RUNX1T1: variants seen among roughly 807,000 people sequenced by gnomAD.
RUNX1T1 encodes protein CBFA2T1.
RUNX1T1 carries 4 observed loss-of-function variants against 62.8 expected under a neutral mutation model. The ratio of observed to expected loss-of-function variants is 0.06; its 90% CI spans 0.03 to 0.15. The LOEUF is 0.15. Ranked by LOEUF, RUNX1T1 falls within the 10% of genes least tolerant of loss-of-function variation. The probability of loss-of-function intolerance (pLI) is 1.00; values close to 1 mark genes in which losing one functional copy is unlikely to be tolerated. For synonymous variants in RUNX1T1, 291 were observed against 286.0 expected (o/e 1.02, Z -0.18); for missense variants, 508 against 754.3 (o/e 0.67, Z 3.82).
intron 1 of RUNX1T1, 74 bp from the exon 2 acceptor site, chr8:92,076,211 A>C: frequency 1.7e-6 from 2 of 1,193,464 alleles, no homozygotes; most frequent in Non-Finnish European, 2.2e-6. Flanking sequence ...ATCTGTTTAC[A>C]TGATAACACT....
intron 1 of RUNX1T1, among the ~76,000 whole-genome samples, chr8:92,054,706 T>C (rs917443994): frequency 6.6e-6 from 1 of 151,978 alleles, no homozygotes; most frequent in Non-Finnish European, 1.5e-5. Flanking sequence ...AAAGATAAAA[T>C]ACATTCAGCA....
At chr8:91,955,832 T>A (rs1205586698), downstream of RUNX1T1, 1 of 227,280 alleles carries the variant, frequency 4.4e-6, no homozygotes, top group Admixed American at 5.7e-5. Flanking sequence ...ATTCACAGGG[T>A]AGGGGAGAAG....
At chr8:91,986,263 C>T (rs1201893486) in exon 8 of RUNX1T1, 1 of 1,614,040 alleles carries the variant, frequency 6.2e-7, no homozygotes, top group Non-Finnish European at 8.5e-7. Context: ...CTTCTTGACA[C>T]CGCCTTAGTA....
At chr8:91,990,003 G>T (rs1338411196) in intron 6 of RUNX1T1, among the ~76,000 whole-genome samples, 1 of 152,078 alleles carries the variant, frequency 6.6e-6, no homozygotes, top group East Asian at 1.9e-4. Flanking sequence ...TACAACCAAA[G>T]CCTCAATCAC....
At chr8:92,027,326 A>G (rs1417800453) in intron 1 of RUNX1T1, among the ~76,000 whole-genome samples, 1 of 152,184 alleles carries the variant, frequency 6.6e-6, no homozygotes, top group Admixed American at 6.5e-5. Context: ...TTCTGTCATC[A>G]GAAAAGGACA....
chr8:92,017,187 T>C (rs767218709), intron 2 of RUNX1T1, 39 bp downstream of exon 3: 1 of 1,407,050 alleles, frequency 7.1e-7, no homozygotes, highest in East Asian at 2.3e-5. Context: ...TAATTTAAAC[T>C]TTAAAACTGA....
chr8:92,034,569 T>G (rs1826891457), intron 1 of RUNX1T1, among the ~76,000 whole-genome samples: 1 of 151,944 alleles, frequency 6.6e-6, no homozygotes, highest in Admixed American at 6.6e-5. Context: ...ATCAAAAAGA[T>G]ACCTGCACTC....
chr8:92,037,815 C>G (rs1157464731), intron 1 of RUNX1T1, among the ~76,000 whole-genome samples: 13 of 152,138 alleles, frequency 8.5e-5, no homozygotes. Context: ...ACAAACAGCT[C>G]CAGGCAGTTA....
chr8:92,095,646 G>A, intron 1 of RUNX1T1: 2 of 1,248,590 alleles, frequency 1.6e-6, no homozygotes, highest in Non-Finnish European at 2.1e-6. Context: ...AAAGGGACAG[G>A]CAGGAGGGAA....
intron 8 of RUNX1T1, among the ~76,000 whole-genome samples, chr8:91,981,493 C>A (rs151200487): frequency 0.014 from 2,013 of 142,524 alleles, 50 homozygotes; most frequent in African/African-American, 0.049. Context: ...TGGCTCACTG[C>A]AACCTCCTCC....
intron 5 of RUNX1T1, among the ~76,000 whole-genome samples, chr8:92,002,560 AAT>A (rs1249732944): frequency 4.6e-5 from 7 of 152,160 alleles, no homozygotes; most frequent in Non-Finnish European, 1.5e-5. Context: ...TTGTAAACAA[AAT>A]ATAGAGCGCT....
At chr8:92,012,490 T>C (rs1365795156) in intron 3 of RUNX1T1, among the ~76,000 whole-genome samples, 1 of 151,962 alleles carries the variant, frequency 6.6e-6, no homozygotes, top group African/African-American at 2.4e-5. Flanking sequence ...CTGGCACCGA[T>C]GCGAATGCAT....
chr8:92,036,706 T>C (rs1198428010), intron 1 of RUNX1T1, among the ~76,000 whole-genome samples: 2 of 152,206 alleles, frequency 1.3e-5, no homozygotes, highest in Non-Finnish European at 2.9e-5. Context: ...AACTTACTTG[T>C]ACAAGTTTGG....
At chr8:92,007,300 T>C (rs924466839) in intron 4 of RUNX1T1, among the ~76,000 whole-genome samples, 1 of 152,034 alleles carries the variant, frequency 6.6e-6, no homozygotes, top group East Asian at 1.9e-4. Flanking sequence ...ACCCCATTCC[T>C]ACTAAAAACA....
downstream of RUNX1T1, chr8:91,957,447 A>T (rs757142478): frequency 4.3e-6 from 1 of 231,498 alleles, no homozygotes; most frequent in Non-Finnish European, 8.6e-6. Flanking sequence ...GGAGAGGAAG[A>T]GGAGGAAGAG....
At chr8:92,052,324 C>T (rs902855626) in intron 1 of RUNX1T1, among the ~76,000 whole-genome samples, 2 of 152,062 alleles carry the variant, frequency 1.3e-5, no homozygotes, top group Admixed American at 6.6e-5. Context: ...ACCAACAAAC[C>T]AGAATTCAAG....
At chr8:92,054,048 G>C (rs1443601016) in intron 1 of RUNX1T1, among the ~76,000 whole-genome samples, 1 of 151,902 alleles carries the variant, frequency 6.6e-6, no homozygotes, top group African/African-American at 2.4e-5. Context: ...GTAGGGGTGG[G>C]GTGGGGAAGA....
At chr8:92,052,733 G>A (rs571048753) in intron 1 of RUNX1T1, among the ~76,000 whole-genome samples, 1 of 152,204 alleles carries the variant, frequency 6.6e-6, no homozygotes, top group Non-Finnish European at 1.5e-5. Context: ...CAGTAGGCTT[G>A]GGAGGGGGCA....
At chr8:92,091,805 T>G (rs1433218929) in intron 1 of RUNX1T1, among the ~76,000 whole-genome samples, 1 of 152,184 alleles carries the variant, frequency 6.6e-6, no homozygotes, top group Non-Finnish European at 1.5e-5. Context: ...CTTTGGTTGG[T>G]TCCATACATG....
Sources: allele counts gnomAD v4.1 joint callset (sites outside exome capture counted in the v4.1 genomes callset), GRCh38; gene constraint gnomAD v4.1.1; transcripts MANE v1.5; gene names NCBI Gene and HGNC (gene_info 2026-07-23, HGNC 2026-07-21).